The following SLAMF7 variants were observed in gnomAD, a reference collection of about 807,000 sequenced individuals.
SLAMF7 encodes 19A24 protein.
Under a neutral mutation model 34.1 loss-of-function variants are expected in SLAMF7, and 26 were observed. The ratio of observed to expected loss-of-function variants is 0.76; its 90% CI spans 0.56 to 1.06. The LOEUF (loss-of-function observed/expected upper bound fraction) is 1.06, where lower values mean the gene tolerates loss of function less well. Among genes scored for constraint, SLAMF7 ranks in the 50% least tolerant of loss-of-function variants. SLAMF7 has a pLI of 0.00. For synonymous variants in SLAMF7, 171 were observed against 156.4 expected, an observed-to-expected ratio of 1.09 and a Z score of -0.70; for missense variants, 399 against 402.5, an observed-to-expected ratio of 0.99 and a Z score of 0.07.
chr1:160,745,858 G>GT (rs1006081357), intron 1 of SLAMF7, among the ~76,000 whole-genome samples: 5 of 152,188 alleles, frequency 3.3e-5, no homozygotes, highest in African/African-American at 9.7e-5. Context: ...TAAACGTTTG[G>GT]TGCAGAATAA....
chr1:160,751,918 A>G (rs1054739100), intron 5 of SLAMF7: 2 of 179,226 alleles, frequency 1.1e-5, no homozygotes, highest in African/African-American at 4.9e-5. Context: ...ACATATATAT[A>G]TAATATTTTT....
chr1:160,744,553 G>A (rs892297381), intron 1 of SLAMF7, among the ~76,000 whole-genome samples: 2 of 152,162 alleles, frequency 1.3e-5, no homozygotes, highest in Non-Finnish European at 2.9e-5. Flanking sequence ...CATGTCCCTT[G>A]GCATTTACCC....
At chr1:160,748,582 A>T in intron 2 of SLAMF7, 68 bp downstream of exon 2, 2 of 1,410,176 alleles carry the variant, frequency 1.4e-6, no homozygotes, top group South Asian at 1.3e-5. Context: ...GACATGAGAG[A>T]TGTTTAAGCA....
rs775456503 is a variant in SLAMF7 at position 160,753,148 on chromosome 1, A to G, written c.979A>G (p.Arg327Gly). Residue 327 changes from arginine (R) to glycine (G), a missense_variant, in exon 7 of 7, where the codon AGG becomes GGG. Physicochemically the swap from Arg to Gly is moderately radical, Grantham distance 125 (BLOSUM62 -2). Transcript: ENST00000368043. ...ACTGCTCACGATGCCAGACACACCA[A>G]GGCTATTTGCCTATGAGAATGTTAT... is the stretch of plus-strand genomic sequence containing the variant. ...HSLLTMPDTPRLFAYENVI is the reference protein window; with the variant it reads ...HSLLTMPDTPGLFAYENVI 2 of 1,613,464 alleles carry G rather than the reference A, an allele frequency of 1.2e-6. No homozygotes were observed. The highest frequency in any genetic ancestry group is 2.2e-5 in the South Asian group (2 of 91,074).
intron 1 of SLAMF7, among the ~76,000 whole-genome samples, chr1:160,741,945 T>C (rs144320652): frequency 0.012 from 1,769 of 152,226 alleles, 41 homozygotes; most frequent in African/African-American, 0.04. Context: ...ATGGTTTTCA[T>C]GAGGAGAGTG....
In SLAMF7 at chr1:160,739,278, A is replaced by G. The variant is rs757987743; in HGVS notation, c.-24A>G. 1.2e-6 allele frequency: 2 copies of G among 1,612,798 alleles called. No individual in the cohort carries two copies. Among genetic ancestry groups the G allele is most frequent in the African/African-American group, 1.3e-5 (1 of 75,006 alleles). Reference sequence around the variant, plus strand: ...CCTAAGAGGGAAGTGGCTTCATTTCAGTGGCTGACTTCCAGAGAGCAATAT... The same window carrying G: ...CCTAAGAGGGAAGTGGCTTCATTTCGGTGGCTGACTTCCAGAGAGCAATAT... On this transcript the variant is annotated 5_prime_UTR_variant, in exon 1 of 7. Coordinates refer to ENST00000368043, the MANE Select transcript of SLAMF7 (RefSeq NM_021181.5).
At chr1:160,750,846 C>T (rs1418116915) in intron 4 of SLAMF7, 2 of 219,466 alleles carry the variant, frequency 9.1e-6, no homozygotes, top group East Asian at 2.3e-4. Flanking sequence ...ACCACCCACA[C>T]CCTTTCCACA....
intron 1 of SLAMF7, among the ~76,000 whole-genome samples, chr1:160,743,795 C>T (rs1254537935): frequency 6.6e-6 from 1 of 152,122 alleles, no homozygotes; most frequent in Non-Finnish European, 1.5e-5. Flanking sequence ...TTCAAGGAAT[C>T]CTCCCACCTC....
In SLAMF7 at chr1:160,748,401, A is replaced by G. The variant is rs773656730; in HGVS notation, c.263A>G (p.Tyr88Cys). The G allele has an allele frequency of 5.0e-6, 8 of 1,614,000 alleles. No individual in the cohort carries two copies. The highest frequency in any genetic ancestry group is 6.8e-6 in the Non-Finnish European group (8 of 1,179,948). Residue 88 changes from tyrosine to cysteine, a missense_variant, in exon 2 of 7, where the codon TAC becomes TGC. Tyr to Cys is a radical substitution (Grantham distance 194). Coordinates refer to ENST00000368043, the MANE Select transcript of SLAMF7 (RefSeq NM_021181.5). Reference sequence around the variant, plus strand: ...AGAGTAGACTTCCCAGATGGAGGCTACTCCCTGAAGCTCAGCAAACTGAAG... The same window carrying G: ...AGAGTAGACTTCCCAGATGGAGGCTGCTCCCTGAAGCTCAGCAAACTGAAG... ...RERVDFPDGG[Y>C]SLKLSKLKKN... is the part of the protein sequence containing the mutation.
In SLAMF7 at chr1:160,751,289, T is replaced by C; in HGVS notation, c.770-56T>C. The stretch of plus-strand genomic sequence containing the variant: ...TCATCCAGGAGAAATGGTGGGCCAG[T>C]GGAAGTGGTGAGTGGTTGGAGAGGT... On this transcript the variant is annotated intron_variant, in intron 4 of 6. Transcript: ENST00000368043. The C allele has an allele frequency of 4.7e-6, 6 of 1,273,030 alleles. No individual in the cohort carries two copies. The South Asian group carries it at 7.2e-5, about 15-fold the overall frequency. 78.9% of individuals were successfully genotyped at this position (1,273,030 alleles called of 1,614,324 possible). A position where few individuals can be genotyped will look rare whatever the true frequency, so the allele number is the denominator to read the frequency against.
intron 6 of SLAMF7, among the ~76,000 whole-genome samples, chr1:160,752,621 A>G (rs1476612734): frequency 6.6e-6 from 1 of 152,234 alleles, no homozygotes; most frequent in Non-Finnish European, 1.5e-5. Context: ...AGACACCAGG[A>G]AACTGCAGGA....
chr1:160,742,423 G>A (rs1168193098), intron 1 of SLAMF7, among the ~76,000 whole-genome samples: 1 of 152,144 alleles, frequency 6.6e-6, no homozygotes, highest in Non-Finnish European at 1.5e-5. Context: ...GCCATCCAAA[G>A]GTGTTTTGGG....
rs1379336045 is a variant in SLAMF7 at position 160,751,356 on chromosome 1, GAGA to G, written c.788_790del (p.Lys263del). 2.5e-6 allele frequency: 4 copies of G among 1,613,624 alleles called. No individual in the cohort carries two copies. Among genetic ancestry groups the G allele is most frequent in the Non-Finnish European group, 3.4e-6 (4 of 1,179,580 alleles). ...CAACTTGCTTTTAGAGTACATTGAAGAGAAGAAGAGAGTGGACATTTGTCGGGA... is the reference window on the plus strand; with the variant it reads ...CAACTTGCTTTTAGAGTACATTGAAGAGAAGAGAGTGGACATTTGTCGGGA... On this transcript the variant is annotated inframe_deletion, in exon 5 of 7. Transcript: ENST00000368043.
intron 3 of SLAMF7, 74 bp downstream of exon 3, chr1:160,750,167 G>T: frequency 6.3e-7 from 1 of 1,579,778 alleles, no homozygotes; most frequent in Middle Eastern, 2.1e-4. Context: ...GCCCCCATGG[G>T]AACAGACACT....
At position 160,751,260 on chromosome 1, in the gene SLAMF7, T is replaced by C. The variant is rs185099922; in HGVS notation, c.770-85T>C. The C allele has an allele frequency of 3.0e-5, 29 of 980,988 alleles. No individual in the cohort carries two copies. In the East Asian group the frequency reaches 6.9e-4, roughly 23 times the overall value. The allele number at this position is 980,988 out of a possible 1,614,324, so 60.8% of individuals were successfully genotyped here. A position where few individuals can be genotyped will look rare whatever the true frequency, so the allele number is the denominator to read the frequency against. On this transcript the variant is annotated intron_variant, in intron 4 of 6. Transcript: ENST00000368043. ...AACTCGGCTGGTTGGTCACCCTAAG[T>C]GGGTCATCCAGGAGAAATGGTGGGC...
chr1:160,752,224 C>A lies in SLAMF7; in HGVS notation c.912C>A (p.Tyr304Ter). ...AGGAAGATCCAGCAAATACGGTTTA[C>A]TCCACTGTGGAAATACCGAAAAAGG... ...ILKEDPANTV[Y>*]STVEIPKKME... The change falls in exon 6 of 7, where the codon TAC becomes TAA. Residue 304 changes from tyrosine (Y) to a stop codon, truncating the protein, a stop_gained. Transcript: ENST00000368043. LOFTEE classifies it low-confidence loss of function (END_TRUNC). 1 of 1,613,384 alleles carries A rather than the reference C, an allele frequency of 6.2e-7. No homozygotes were observed. Among genetic ancestry groups the A allele is most frequent in the Non-Finnish European group, 8.5e-7 (1 of 1,179,496 alleles).
chr1:160,744,417 C>T (rs80242873), intron 1 of SLAMF7, among the ~76,000 whole-genome samples: 2,754 of 152,308 alleles, frequency 0.018, 41 homozygotes, highest in Non-Finnish European at 0.028. Flanking sequence ...CCTGAAGATA[C>T]ATTTAAGATA....
At chr1:160,746,418 C>T (rs1256954603) in intron 1 of SLAMF7, among the ~76,000 whole-genome samples, 1 of 152,186 alleles carries the variant, frequency 6.6e-6, no homozygotes, top group East Asian at 1.9e-4. Flanking sequence ...GGCTTTGCTT[C>T]TTTCATTTGT....
At chr1:160,740,395 C>T (rs189035190) in intron 1 of SLAMF7, among the ~76,000 whole-genome samples, 4 of 152,116 alleles carry the variant, frequency 2.6e-5, no homozygotes, top group African/African-American at 9.6e-5. Flanking sequence ...TTGAAAGCTA[C>T]AGGTGTCCAT....
Sources: gnomAD v4.1 joint callset for allele counts (sites outside exome capture counted in the v4.1 genomes callset) on GRCh38, gnomAD v4.1.1 for gene constraint, MANE v1.5 for transcripts, NCBI Gene and HGNC (gene_info 2026-07-23, HGNC 2026-07-21) for gene names.